HS3ST3A1: variants seen among roughly 807,000 people sequenced by gnomAD.
The protein encoded by HS3ST3A1 is heparan sulfate-glucosamine 3-sulfotransferase 3A1, also known as heparan sulfate glucosamine 3-O-sulfotransferase 3A1.
HS3ST3A1 carries 19 observed loss-of-function variants against 25.7 expected under a neutral mutation model. That is an observed-to-expected ratio of 0.74 (90% CI 0.52 to 1.08). The LOEUF (loss-of-function observed/expected upper bound fraction) is 1.08, where lower values mean the gene tolerates loss of function less well. HS3ST3A1 is among the 50% of genes least tolerant of loss of function. The pLI is 0.00. For missense variants in HS3ST3A1, 459 were observed against 594.3 expected (o/e 0.77, Z 2.37); for synonymous variants, 226 against 278.6 (o/e 0.81, Z 1.88).
At chr17:13,588,019 C>A (rs561782772) in intron 1 of HS3ST3A1, among the ~76,000 whole-genome samples, 2 of 152,076 alleles carry the variant, frequency 1.3e-5, no homozygotes, top group African/African-American at 2.4e-5. Context: ...CGGGTGCTCA[C>A]CTGAGAGTAA....
chr17:13,541,457 C>G (rs955042481), intron 1 of HS3ST3A1, among the ~76,000 whole-genome samples: 3 of 152,152 alleles, frequency 2.0e-5, no homozygotes, highest in African/African-American at 7.2e-5. Context: ...CTCACTCGCT[C>G]TTGGTACACA....
chr17:13,584,867 C>T lies in HS3ST3A1; in HGVS notation c.599+15664G>A, dbSNP rs547088319. Among the ~76,000 whole-genome samples the T allele has an allele frequency of 1.8e-4, 28 of 152,258 alleles. No homozygotes were observed. In the South Asian group the frequency reaches 1.9e-3, roughly 10 times the overall value. On this transcript the variant is annotated intron_variant, in intron 1 of 1. Transcript: ENST00000284110. ...GAAGGTGGCAAAGATTACACAGATA[C>T]ACTGGTGAAGTTCATTACATTCCTG...
At chr17:13,503,071 G>A (rs1268859067) in intron 1 of HS3ST3A1, among the ~76,000 whole-genome samples, 4 of 150,644 alleles carry the variant, frequency 2.7e-5, no homozygotes, top group Non-Finnish European at 5.9e-5. Flanking sequence ...CCAGCTACTC[G>A]AGAGGCTGAG....
At chr17:13,518,595 A>T (rs912670006) in intron 1 of HS3ST3A1, among the ~76,000 whole-genome samples, 1 of 152,160 alleles carries the variant, frequency 6.6e-6, no homozygotes, top group Non-Finnish European at 1.5e-5. Flanking sequence ...ATTTCTTGAT[A>T]CTTAGTTTAT....
At position 13,598,519 on chromosome 17, in the gene HS3ST3A1, T is replaced by C. The variant is rs566050653; in HGVS notation, c.599+2012A>G. On this transcript the variant is annotated intron_variant, in intron 1 of 1. Transcript: ENST00000284110. ...TTAGAAAATTAAATTCAGCAAACCG[T>C]GAAGTCTACTGTGCAGTTATTTTTG... Among the ~76,000 whole-genome samples, 3 of 152,340 alleles carry C rather than the reference T, an allele frequency of 2.0e-5. No homozygotes were observed. In the South Asian group the frequency reaches 6.2e-4, roughly 32 times the overall value.
At chr17:13,501,130 T>C (rs533089865) in intron 1 of HS3ST3A1, among the ~76,000 whole-genome samples, 2 of 152,310 alleles carry the variant, frequency 1.3e-5, no homozygotes, top group East Asian at 1.9e-4. Context: ...AGAACTATTG[T>C]TCAGTAGGTA....
chr17:13,591,755 C>T (rs1056976768), intron 1 of HS3ST3A1, among the ~76,000 whole-genome samples: 8 of 150,820 alleles, frequency 5.3e-5, no homozygotes, highest in African/African-American at 2.0e-4. Flanking sequence ...GCCTCCTGGG[C>T]TTAAGCAATT....
At chr17:13,521,369 C>T (rs1169949924) in intron 1 of HS3ST3A1, among the ~76,000 whole-genome samples, 1 of 152,178 alleles carries the variant, frequency 6.6e-6, no homozygotes, top group East Asian at 1.9e-4. Context: ...GAATAAACTG[C>T]TGTTTCAGCA....
intron 1 of HS3ST3A1, among the ~76,000 whole-genome samples, chr17:13,565,680 G>A (rs373055099): frequency 3.9e-5 from 6 of 152,270 alleles, no homozygotes; most frequent in East Asian, 3.9e-4. Context: ...GTCACAGCTC[G>A]TTTGGATGGA....
At chr17:13,519,113 T>C (rs1338320941) in intron 1 of HS3ST3A1, among the ~76,000 whole-genome samples, 1 of 152,228 alleles carries the variant, frequency 6.6e-6, no homozygotes, top group East Asian at 1.9e-4. Flanking sequence ...TGTACTTCCA[T>C]ACACTGAAAG....
intron 1 of HS3ST3A1, among the ~76,000 whole-genome samples, chr17:13,538,143 A>C (rs1208949747): frequency 6.6e-6 from 1 of 152,252 alleles, no homozygotes; most frequent in Non-Finnish European, 1.5e-5. Context: ...CAACAGAAAT[A>C]ATGTGTCTTA....
At chr17:13,593,604 A>G (rs59596388) in intron 1 of HS3ST3A1, among the ~76,000 whole-genome samples, 18,498 of 152,262 alleles carry the variant, frequency 0.12, 1,220 homozygotes, top group African/African-American at 0.17. Context: ...AGGAAAGGAA[A>G]GAAGAAACAC....
chr17:13,496,078 A>G lies in HS3ST3A1; in HGVS notation c.*119T>C, dbSNP rs1905255608. The G allele has an allele frequency of 4.0e-6, 5 of 1,237,616 alleles. No individual in the cohort carries two copies. The South Asian group carries it at 9.4e-5, about 23-fold the overall frequency. 76.7% of individuals were successfully genotyped at this position (1,237,616 alleles called of 1,614,324 possible). ...GCGGGAGTGAGAACAATCTCTTAAC[A>G]TTCATTGAAAAAAATACTGAAACAT... On this transcript the variant is annotated 3_prime_UTR_variant, in exon 2 of 2. Transcript: ENST00000284110.
At chr17:13,526,474 TTATATATA>T (rs58701744) in intron 1 of HS3ST3A1, among the ~76,000 whole-genome samples, 1,973 of 76,250 alleles carry the variant, frequency 0.026, 58 homozygotes, top group African/African-American at 0.071. Flanking sequence ...ACTTTAATTT[TTATATATA>T]TATATATATA....
chr17:13,589,241 G>A (rs1908356894), intron 1 of HS3ST3A1, among the ~76,000 whole-genome samples: 1 of 152,150 alleles, frequency 6.6e-6, no homozygotes, highest in Non-Finnish European at 1.5e-5. Context: ...AGAGGACAAG[G>A]CACTAGGAGC....
At chr17:13,568,738 C>T (rs188636634) in intron 1 of HS3ST3A1, among the ~76,000 whole-genome samples, 69 of 152,118 alleles carry the variant, frequency 4.5e-4, no homozygotes, top group African/African-American at 1.4e-3. Context: ...CAATTGTGGT[C>T]GTTCATTCTG....
intron 1 of HS3ST3A1, among the ~76,000 whole-genome samples, chr17:13,593,002 T>C (rs1011263074): frequency 6.6e-6 from 1 of 152,196 alleles, no homozygotes; most frequent in Admixed American, 6.5e-5. Context: ...CTTCCTTGAA[T>C]GCGTTAATTG....
intron 1 of HS3ST3A1, among the ~76,000 whole-genome samples, chr17:13,589,566 A>G (rs982081561): frequency 1.3e-5 from 2 of 152,214 alleles, no homozygotes; most frequent in Admixed American, 6.5e-5. Flanking sequence ...TTAGAAAGAA[A>G]AAAGTGGCCT....
At chr17:13,579,825 G>A (rs1187755044) in intron 1 of HS3ST3A1, among the ~76,000 whole-genome samples, 1 of 149,146 alleles carries the variant, frequency 6.7e-6, no homozygotes, top group East Asian at 2.0e-4. Context: ...ACAAAAATTA[G>A]TGGGGCCGTG....
Sources: allele counts gnomAD v4.1 joint callset (sites outside exome capture counted in the v4.1 genomes callset), GRCh38; gene constraint gnomAD v4.1.1; transcripts MANE v1.5; gene names NCBI Gene and HGNC (gene_info 2026-07-23, HGNC 2026-07-21).